The following SLC30A6 variants were observed in gnomAD, a reference collection of about 807,000 sequenced individuals.
SLC30A6 encodes solute carrier family 30 member 6.
SLC30A6 carries 55 observed loss-of-function variants against 63.0 expected under a neutral mutation model. The observed-to-expected ratio is 0.87, with a 90% CI of 0.70 to 1.09. SLC30A6 has a LOEUF of 1.09. SLC30A6 is among the 50% of genes least tolerant of loss of function. The pLI is 0.00. For missense variants in SLC30A6, 587 were observed against 549.2 expected (o/e 1.07, Z -0.69); for synonymous variants, 224 against 186.1 (o/e 1.20, Z -1.66).
intron 8 of SLC30A6, among the ~76,000 whole-genome samples, chr2:32,195,228 T>G (rs986171935): frequency 2.0e-5 from 3 of 151,178 alleles, no homozygotes; most frequent in African/African-American, 7.3e-5. Context: ...CCACCATGCC[T>G]GGCTGATTTT....
intron 8 of SLC30A6, 148 bp downstream of exon 8, chr2:32,194,131 A>G (rs2148857400): frequency 5.6e-6 from 3 of 537,542 alleles, no homozygotes; most frequent in Middle Eastern, 1.0e-3. Flanking sequence ...GTCTTTTTTA[A>G]GTGGAAAATT....
chr2:32,174,038 A>T (rs769949244), intron 2 of SLC30A6, 25 bp from the exon 3 acceptor site: 2 of 1,583,236 alleles, frequency 1.3e-6, no homozygotes, highest in Admixed American at 3.4e-5. Flanking sequence ...TTCTGTACAC[A>T]TAAGAGTGAT....
chr2:32,207,034 G>T (rs1420930249), intron 12 of SLC30A6, 101 bp downstream of exon 12: 2 of 966,300 alleles, frequency 2.1e-6, no homozygotes, highest in Non-Finnish European at 3.2e-6. Flanking sequence ...AATTTTATTT[G>T]AGGGAAGTTC....
intron 5 of SLC30A6, among the ~76,000 whole-genome samples, chr2:32,185,594 C>T (rs1003283222): frequency 6.6e-6 from 1 of 151,692 alleles, no homozygotes; most frequent in Non-Finnish European, 1.5e-5. Flanking sequence ...GGACTATATT[C>T]TTTTGAACAA....
rs1371745502 is a variant in SLC30A6, at chr2:32,221,545, G to A, written c.*832G>A. 1 of 152,116 alleles carries A rather than the reference G, an allele frequency of 6.6e-6. No homozygotes were observed. Among genetic ancestry groups the A allele is most frequent in the Non-Finnish European group, 1.5e-5 (1 of 68,016 alleles). 9.4% of individuals were successfully genotyped at this position (152,116 alleles called of 1,614,324 possible). On this transcript the variant is annotated 3_prime_UTR_variant, in exon 14 of 14. Coordinates refer to ENST00000282587, the MANE Select transcript of SLC30A6 (RefSeq NM_017964.5). The stretch of plus-strand genomic sequence containing the variant: ...AAAAATGTCTGTTCAAAAAGTAAAA[G>A]TCTCTTTTATAGCTTTTCCAAACTT...
intron 1 of SLC30A6, among the ~76,000 whole-genome samples, chr2:32,170,338 G>T (rs529575726): frequency 2.0e-5 from 3 of 152,126 alleles, no homozygotes; most frequent in African/African-American, 7.2e-5. Flanking sequence ...AGTGATATTG[G>T]ATACTGCTTT....
chr2:32,190,673 T>G (rs945645905), intron 5 of SLC30A6, among the ~76,000 whole-genome samples: 33 of 152,212 alleles, frequency 2.2e-4, no homozygotes, highest in African/African-American at 7.7e-4. Context: ...AGGCATATTC[T>G]GGACTGCAGT....
intron 13 of SLC30A6, among the ~76,000 whole-genome samples, chr2:32,213,715 T>C (rs1008938540): frequency 6.6e-6 from 1 of 152,114 alleles, no homozygotes; most frequent in Non-Finnish European, 1.5e-5. Flanking sequence ...TATCTAAATA[T>C]GCCATAATTT....
At chr2:32,173,347 G>A (rs1681405358) in intron 2 of SLC30A6, among the ~76,000 whole-genome samples, 1 of 151,504 alleles carries the variant, frequency 6.6e-6, no homozygotes, top group Admixed American at 6.6e-5. Flanking sequence ...CACCTTACTT[G>A]GTTGATGTTG....
intron 10 of SLC30A6, chr2:32,203,931 A>T: frequency 2.4e-6 from 2 of 824,698 alleles, no homozygotes; most frequent in Admixed American, 3.9e-5. Context: ...CAGGAAGTTG[A>T]CAAGATGGTA....
rs1686160341 is a variant in SLC30A6, at chr2:32,221,795, A to G, written c.*1082A>G. The G allele has an allele frequency of 1.3e-5, 2 of 152,292 alleles. No individual in the cohort carries two copies. The highest frequency in any genetic ancestry group is 4.8e-5 in the African/African-American group (2 of 41,570). 9.4% of individuals were successfully genotyped at this position (152,292 alleles called of 1,614,324 possible). A position where few individuals can be genotyped will look rare whatever the true frequency, so the allele number is the denominator to read the frequency against. On this transcript the variant is annotated 3_prime_UTR_variant, in exon 14 of 14. Transcript: ENST00000282587. ...TTAAGTGACTACCCAACTTTTGGTG[A>G]TATGCAGTGAAAGAATCCCAATTTT...
intron 13 of SLC30A6, among the ~76,000 whole-genome samples, chr2:32,217,163 G>A (rs1438559773): frequency 1.3e-5 from 2 of 151,974 alleles, no homozygotes; most frequent in Non-Finnish European, 2.9e-5. Context: ...CACCCAAAGT[G>A]CTGGGATTAC....
At chr2:32,192,469 A>G (rs1683418467) in intron 6 of SLC30A6, 53 bp downstream of exon 6, 1 of 1,508,614 alleles carries the variant, frequency 6.6e-7, no homozygotes, top group East Asian at 2.3e-5. Context: ...CTTTGGGAAC[A>G]TGAAAGAAAC....
chr2:32,174,130 G>A lies in SLC30A6; in HGVS notation c.158G>A (p.Ser53Asn), dbSNP rs757690778. 22 of 1,612,990 alleles carry A rather than the reference G, an allele frequency of 1.4e-5. No homozygotes were observed. In the East Asian group the frequency reaches 2.0e-4, roughly 15 times the overall value. ...ACTGGCTTCCTGCTTATGTGGTGCAGTTCTACTAATAGTATAGGTATGTCA... is the reference window on the plus strand; with the variant it reads ...ACTGGCTTCCTGCTTATGTGGTGCAATTCTACTAATAGTATAGGTATGTCA... ...ICTGFLLMWC[S>N]STNSIALTAY... Residue 53 changes from serine to asparagine, a missense_variant, in exon 3 of 14, where the codon AGT (serine) becomes AAT (asparagine). Coordinates refer to ENST00000282587, the MANE Select transcript of SLC30A6 (RefSeq NM_017964.5).
chr2:32,186,861 G>C (rs191362974), intron 5 of SLC30A6, among the ~76,000 whole-genome samples: 2 of 151,556 alleles, frequency 1.3e-5, no homozygotes, highest in South Asian at 2.1e-4. Context: ...GCTGGGTGTG[G>C]TGGGGCGTGC....
intron 5 of SLC30A6, among the ~76,000 whole-genome samples, chr2:32,189,592 C>T (rs1383815814): frequency 1.4e-5 from 2 of 143,436 alleles, no homozygotes; most frequent in East Asian, 2.0e-4. Context: ...CCACCGCACC[C>T]GGCCTTTTTT....
rs1235864156 is a variant in SLC30A6, at chr2:32,190,453, C to T, written c.285-1883C>T. On this transcript the variant is annotated intron_variant, in intron 5 of 13. Transcript: ENST00000282587. ...CAGCCTGGGCGACAGAGTGAGACTCCGTCTCAAAAAAAAAAAAAAAAGTTT... is the reference window on the plus strand; with the variant it reads ...CAGCCTGGGCGACAGAGTGAGACTCTGTCTCAAAAAAAAAAAAAAAAGTTT... Among the ~76,000 whole-genome samples the T allele has an allele frequency of 3.2e-5, 4 of 125,770 alleles. No homozygotes were observed. The East Asian group carries it at 8.6e-4, about 27-fold the overall frequency. The allele number at this position is 125,770 out of a possible 152,430, so 82.5% of individuals were successfully genotyped here.
At chr2:32,211,551 A>C (rs1252684131) in intron 13 of SLC30A6, among the ~76,000 whole-genome samples, 1 of 151,632 alleles carries the variant, frequency 6.6e-6, no homozygotes, top group South Asian at 2.1e-4. Context: ...CTTTACTAGA[A>C]TATGTCTTGG....
chr2:32,167,175 A>G (rs879447548), intron 1 of SLC30A6, among the ~76,000 whole-genome samples: 8 of 152,250 alleles, frequency 5.3e-5, no homozygotes, highest in Admixed American at 3.9e-4. Context: ...TCCCGGGTTC[A>G]AGCGATTCTC....
Sources: gnomAD v4.1 joint callset for allele counts (sites outside exome capture counted in the v4.1 genomes callset) on GRCh38, gnomAD v4.1.1 for gene constraint, MANE v1.5 for transcripts, NCBI Gene and HGNC (gene_info 2026-07-23, HGNC 2026-07-21) for gene names.